VPS11: variants seen among roughly 807,000 people sequenced by gnomAD.
VPS11 encodes VPS11 core subunit of CORVET and HOPS complexes, also known as vacuolar protein sorting-associated protein 11 homolog.
In VPS11, 51 loss-of-function variants were observed where a neutral mutation model predicts 106.8. The ratio of observed to expected loss-of-function variants is 0.48; its 90% CI spans 0.38 to 0.60. The LOEUF is 0.60. VPS11 is among the 20% of genes least tolerant of loss of function. VPS11 has a pLI of 0.00. For missense variants in VPS11, 950 were observed against 1,190.0 expected, an observed-to-expected ratio of 0.80 and a Z score of 2.97; for synonymous variants, 453 against 458.7, an observed-to-expected ratio of 0.99 and a Z score of 0.16.
Position 119,079,126 on chromosome 11 carries a change from CAGT to C in VPS11, c.2267-2_2267del. On this transcript the variant is annotated splice_acceptor_variant and coding_sequence_variant, in exon 14 of 16. Transcript: ENST00000621676. LOFTEE classifies it high-confidence loss of function. ...CTTGTTTCCTCTTGGACCCCAATCTCAGTGGTGCAGACCCTGGCCCACAACTCC... is the reference window on the plus strand; with the variant it reads ...CTTGTTTCCTCTTGGACCCCAATCTCGGTGCAGACCCTGGCCCACAACTCC... The C allele has an allele frequency of 1.2e-6, 2 of 1,613,508 alleles. No individual in the cohort carries two copies. The highest frequency in any genetic ancestry group is 1.7e-6 in the Non-Finnish European group (2 of 1,179,552).
Position 119,078,591 on chromosome 11 carries a change from C to T in VPS11, c.1950C>T (p.Ala650=). 6.2e-7 allele frequency: 1 copy of T among 1,613,490 alleles called. No individual in the cohort carries two copies. The highest frequency in any genetic ancestry group is 8.5e-7 in the Non-Finnish European group (1 of 1,179,478). Reference sequence around the variant, plus strand: ...TCAAAGAGAAGCTTCACGCAGAGGCCATTTCCCTGCTGAAGAGTGGTCGCT... The same window carrying T: ...TCAAAGAGAAGCTTCACGCAGAGGCTATTTCCCTGCTGAAGAGTGGTCGCT... ...PQVKEKLHAE[A]ISLLKSGRFC... is the part of the protein sequence containing the mutation. Residue 650 remains alanine, a synonymous_variant, in exon 12 of 16, where the codon GCC becomes GCT. Coordinates refer to ENST00000621676, the MANE Select transcript of VPS11 (RefSeq NM_021729.6).
At position 119,073,202 on chromosome 11, in the gene VPS11, G is replaced by A; in HGVS notation, c.889G>A (p.Glu297Lys). Residue 297 changes from glutamate (E) to lysine (K), a missense_variant, in exon 6 of 16, where the codon GAG becomes AAG. Physicochemically the swap from Glu to Lys is moderately conservative, Grantham distance 56. This residue lies in a region of VPS11 where 435 missense variants were observed against 630.2 expected (regional missense o/e 0.69). Transcript: ENST00000621676. The stretch of plus-strand genomic sequence containing the variant: ...TGCTTTTTCTTTCCTATGCAGGTCA[G>A]AGTTTACCAGCAGGGATTCACAGAG... ...SRDRKVSPKS[E>K]FTSRDSQSSD... 2 of 1,612,402 alleles carry A rather than the reference G, an allele frequency of 1.2e-6. No individual in the cohort carries two copies. The highest frequency in any genetic ancestry group is 1.7e-6 in the Non-Finnish European group (2 of 1,179,156).
In VPS11 at chr11:119,069,337, A is replaced by G. The variant is rs782053536; in HGVS notation, c.329A>G (p.Asn110Ser). Reference protein sequence around the residue: ...ASVGEDEEGINPLVKIWNLEK... With the variant: ...ASVGEDEEGISPLVKIWNLEK... ...GTTGGAGAAGATGAAGAGGGCATCA[A>G]CCCCTTGGTGAGTCCCAGCAGGGAA... The change falls in exon 2 of 16, where the codon AAC becomes AGC. Residue 110 changes from asparagine (N) to serine (S), a missense_variant. Transcript: ENST00000621676. 14 of 1,613,974 alleles carry G rather than the reference A, an allele frequency of 8.7e-6. No homozygotes were observed. Among genetic ancestry groups the G allele is most frequent in the Middle Eastern group, 1.6e-4 (1 of 6,062 alleles).
chr11:119,081,512 T>G lies in VPS11; in HGVS notation c.2715T>G (p.Gly905=). 1 of 1,613,938 alleles carries G rather than the reference T, an allele frequency of 6.2e-7. No homozygotes were observed. The highest frequency in any genetic ancestry group is 8.5e-7 in the Non-Finnish European group (1 of 1,179,880). The change falls in exon 16 of 16, where the codon GGT becomes GGG. Residue 905 remains glycine (G), a synonymous_variant. Coordinates refer to ENST00000621676, the MANE Select transcript of VPS11 (RefSeq NM_021729.6). ...FSVIADYFGR[G]VFNKLTLLTD... Reference sequence around the variant, plus strand: ...TGATTGCTGACTACTTTGGCAGAGGTGTTTTCAACAAATTGACTCTGCTGA... The same window carrying G: ...TGATTGCTGACTACTTTGGCAGAGGGGTTTTCAACAAATTGACTCTGCTGA...
At chr11:119,073,593 C>A (rs1945484437) in intron 6 of VPS11, 194 bp downstream of exon 6, 9 of 877,348 alleles carry the variant, frequency 1.0e-5, no homozygotes, top group Middle Eastern at 3.5e-4. Flanking sequence ...GGAGCCTGAG[C>A]CCACTCTAAG....
chr11:119,072,045 C>T (rs1945414673), intron 5 of VPS11: 4 of 574,272 alleles, frequency 7.0e-6, no homozygotes, highest in Admixed American at 6.5e-5. Flanking sequence ...CGGCTCACTG[C>T]AGCCTCGCCT....
intron 7 of VPS11, 169 bp from the exon 8 acceptor site, chr11:119,076,728 G>C (rs1408690012): frequency 1.3e-6 from 1 of 768,606 alleles, no homozygotes; most frequent in Non-Finnish European, 2.1e-6. Context: ...CCACAGTCTA[G>C]TAGCACCGAT....
chr11:119,081,472 A>G lies in VPS11; in HGVS notation c.2675A>G (p.Asn892Ser), dbSNP rs370160219. 4 of 1,614,002 alleles carry G rather than the reference A, an allele frequency of 2.5e-6. No individual in the cohort carries two copies. The highest frequency in any genetic ancestry group is 3.4e-6 in the Non-Finnish European group (4 of 1,179,890). The change falls in exon 16 of 16, where the codon AAT becomes AGT. Residue 892 changes from asparagine to serine, a missense_variant. By Grantham distance (46) the Asn-to-Ser change is conservative. Around this residue, in one of 3 missense-constraint regions of VPS11, gnomAD observed 453 missense variants for 514.6 expected, o/e 0.88. Transcript: ENST00000621676. Reference protein sequence around the residue: ...DQFQHQLKCSNDSFSVIADYF... With the variant: ...DQFQHQLKCSSDSFSVIADYF... Reference sequence around the variant, plus strand: ...CTTCTCCTGCAGCTCAAGTGCTCCAATGACAGCTTTTCTGTGATTGCTGAC... The same window carrying G: ...CTTCTCCTGCAGCTCAAGTGCTCCAGTGACAGCTTTTCTGTGATTGCTGAC...
In VPS11 at chr11:119,068,665, C is replaced by G. The variant is rs576331480; in HGVS notation, c.188-531C>G. ...GTTTCACCATATTGGCCAGGCTGGT[C>G]TCGAACTCCTGACCTCGTGATCCAC... is the stretch of plus-strand genomic sequence containing the variant. On this transcript the variant is annotated intron_variant, in intron 1 of 15. Transcript: ENST00000621676. Among the ~76,000 whole-genome samples the G allele has an allele frequency of 2.6e-5, 4 of 152,070 alleles. No homozygotes were observed. In the East Asian group the frequency reaches 7.7e-4, roughly 29 times the overall value.
chr11:119,077,514 G>A lies in VPS11; in HGVS notation c.1439G>A (p.Ser480Asn). The A allele has an allele frequency of 6.2e-7, 1 of 1,613,896 alleles. No individual in the cohort carries two copies. Among genetic ancestry groups the A allele is most frequent in the Non-Finnish European group, 8.5e-7 (1 of 1,179,820 alleles). ...TCTCCCTGGCAGAAAAAGAGTGAGA[G>A]TGAAGTCCACTTTGATGTGGAGACA... ...LEEFIKKKSE[S>N]EVHFDVETAI... Residue 480 changes from serine (S) to asparagine (N), a missense_variant, in exon 9 of 16, where the codon AGT becomes AAT. By Grantham distance (46) the Ser-to-Asn change is conservative. Transcript: ENST00000621676.
chr11:119,074,274 C>T (rs1485026640), intron 7 of VPS11, among the ~76,000 whole-genome samples: 3 of 151,932 alleles, frequency 2.0e-5, no homozygotes, highest in Non-Finnish European at 4.4e-5. Flanking sequence ...TTAGTAGAAA[C>T]GGGGTTTCAC....
At chr11:119,075,891 G>T (rs1041233363) in intron 7 of VPS11, among the ~76,000 whole-genome samples, 1 of 147,050 alleles carries the variant, frequency 6.8e-6, no homozygotes, top group Non-Finnish European at 1.5e-5. Context: ...AACAGAGCAA[G>T]ACTCTATCAA....
rs1178787114 is a variant in VPS11, at chr11:119,081,479, C to T, written c.2682C>T (p.Ser894=). 3.1e-6 allele frequency: 5 copies of T among 1,613,998 alleles called. No individual in the cohort carries two copies. The South Asian group carries it at 5.5e-5, about 18-fold the overall frequency. Residue 894 remains serine (S), a synonymous_variant, in exon 16 of 16, where the codon AGC becomes AGT. Coordinates refer to ENST00000621676, the MANE Select transcript of VPS11 (RefSeq NM_021729.6). ...FQHQLKCSND[S]FSVIADYFGR... is the part of the protein sequence containing the mutation. Reference sequence around the variant, plus strand: ...TGCAGCTCAAGTGCTCCAATGACAGCTTTTCTGTGATTGCTGACTACTTTG... The same window carrying T: ...TGCAGCTCAAGTGCTCCAATGACAGTTTTTCTGTGATTGCTGACTACTTTG...
At chr11:119,081,352 A>G (rs1265550326) in intron 15 of VPS11, 38 bp downstream of exon 15, 5 of 1,612,478 alleles carry the variant, frequency 3.1e-6, no homozygotes, top group Non-Finnish European at 4.2e-6. Flanking sequence ...GGGGATTCCC[A>G]CTAGTGTCAC....
At chr11:119,075,421 A>G (rs1309577852) in intron 7 of VPS11, among the ~76,000 whole-genome samples, 1 of 150,546 alleles carries the variant, frequency 6.6e-6, no homozygotes, top group African/African-American at 2.4e-5. Flanking sequence ...ATTTAAAAAT[A>G]TGGCTGGGCG....
intron 1 of VPS11, among the ~76,000 whole-genome samples, 185 bp from the exon 2 acceptor site, chr11:119,069,011 C>G (rs1235602669): frequency 8.1e-6 from 1 of 123,856 alleles, no homozygotes; most frequent in Admixed American, 9.5e-5. Context: ...CCCCCCCCCC[C>G]GGCCTCCCAA....
At position 119,081,637 on chromosome 11, in the gene VPS11, A is replaced by T. The variant is rs1212453958; in HGVS notation, c.*14A>T. The T allele has an allele frequency of 3.7e-6, 6 of 1,613,056 alleles. No individual in the cohort carries two copies. Among genetic ancestry groups the T allele is most frequent in the Non-Finnish European group, 4.2e-6 (5 of 1,179,462 alleles). ...AGGGGCACTTAAGCAGCCTGGAGGAAGATGTGGGCAACAGTGGAGGACCAA... is the reference window on the plus strand; with the variant it reads ...AGGGGCACTTAAGCAGCCTGGAGGATGATGTGGGCAACAGTGGAGGACCAA... On this transcript the variant is annotated 3_prime_UTR_variant, in exon 16 of 16. Transcript: ENST00000621676.
At position 119,078,405 on chromosome 11, in the gene VPS11, C is replaced by T. The variant is rs1048627662; in HGVS notation, c.1923+71C>T. The T allele has an allele frequency of 1.9e-5, 30 of 1,584,866 alleles. No homozygotes were observed. In the Admixed American group the frequency reaches 2.5e-4, roughly 13 times the overall value. On this transcript the variant is annotated intron_variant, in intron 11 of 15. Coordinates refer to ENST00000621676, the MANE Select transcript of VPS11 (RefSeq NM_021729.6). ...CTCCATTCTTCCGTCTTGGTGGCTG[C>T]CTTTCACTGCATTCCTTAGACCAGT...
intron 6 of VPS11, 59 bp downstream of exon 6, chr11:119,073,458 G>A (rs1945477666): frequency 6.3e-7 from 1 of 1,576,306 alleles, no homozygotes; most frequent in African/African-American, 1.3e-5. Flanking sequence ...TGCAGGAGCA[G>A]GTTCCCCAAG....
Sources: allele counts gnomAD v4.1 joint callset (sites outside exome capture counted in the v4.1 genomes callset), GRCh38; gene constraint gnomAD v4.1.1; regional missense constraint gnomAD v4.1.1; transcripts MANE v1.5; gene names NCBI Gene and HGNC (gene_info 2026-07-23, HGNC 2026-07-21).